PTGER4: variants seen among roughly 807,000 people sequenced by gnomAD.
PTGER4 encodes the protein prostaglandin E2 receptor EP4 subtype.
A neutral mutation model predicts 33.2 loss-of-function variants in PTGER4; 11 were observed. The ratio of observed to expected loss-of-function variants is 0.33; its 90% CI spans 0.21 to 0.55. PTGER4 has a LOEUF of 0.55. Ranked by LOEUF, PTGER4 falls within the 20% of genes least tolerant of loss-of-function variation. PTGER4 has a pLI of 0.92. For missense variants in PTGER4, 481 were observed against 650.2 expected (o/e 0.74, Z 2.83); for synonymous variants, 275 against 281.5 (o/e 0.98, Z 0.23).
intron 2 of PTGER4, among the ~76,000 whole-genome samples, chr5:40,689,305 A>T: frequency 6.6e-6 from 1 of 152,252 alleles, no homozygotes; most frequent in East Asian, 1.9e-4. Context: ...CCTATAGCTA[A>T]TTAAGATCTA....
At chr5:40,697,226 A>AAAAGAAAGAAAGAAAGAAAG (rs70988803), downstream of PTGER4, among the ~76,000 whole-genome samples, 145 of 112,620 alleles carry the variant, frequency 1.3e-3, 1 homozygote, top group East Asian at 4.5e-3. Flanking sequence ...AAGAAAGAAG[A>AAAAGAAAGAAAGAAAGAAAG]AAAGAAAGAA....
At chr5:40,694,519 G>T (rs998020386), downstream of PTGER4, among the ~76,000 whole-genome samples, 1 of 152,174 alleles carries the variant, frequency 6.6e-6, no homozygotes, top group African/African-American at 2.4e-5. Flanking sequence ...TGTCAGCAGG[G>T]TTGGTTTCTC....
the PTGER4 span, among the ~76,000 whole-genome samples, chr5:40,741,825 C>T: frequency 6.6e-6 from 1 of 152,052 alleles, no homozygotes; most frequent in Non-Finnish European, 1.5e-5. Context: ...CCCATCTCTA[C>T]TAAAATTACA....
chr5:40,722,236 G>A, the PTGER4 span, among the ~76,000 whole-genome samples: 1 of 152,122 alleles, frequency 6.6e-6, no homozygotes, highest in Non-Finnish European at 1.5e-5. Flanking sequence ...ATGTTGCCCA[G>A]GCGTGATCTC....
At chr5:40,697,692 TA>T (rs879480592), downstream of PTGER4, among the ~76,000 whole-genome samples, 5 of 58,202 alleles carry the variant, frequency 8.6e-5, no homozygotes, top group East Asian at 0.11. Flanking sequence ...GAAAAATTAG[TA>T]AAAATATACA....
chr5:40,691,535 C>T lies in PTGER4; in HGVS notation c.868-244C>T, dbSNP rs537394833. ...TTCGCCATGTTGGACAAGTTGGTCT[C>T]GGACTCCTGACCTCAAGTGATCCTC... On this transcript the variant is annotated intron_variant, in intron 2 of 2. Coordinates refer to ENST00000302472, the MANE Select transcript of PTGER4 (RefSeq NM_000958.3). The surrounding 1 kb of genome is among the most constrained non-coding windows in gnomAD (Gnocchi z 4.2). 1.1e-4 allele frequency among the ~76,000 whole-genome samples: 17 copies of T among 152,204 alleles called. No individual in the cohort carries two copies. The highest frequency in any genetic ancestry group is 1.8e-4 in the Non-Finnish European group (12 of 68,014).
chr5:40,683,228 G>A lies in PTGER4; in HGVS notation c.867+1368G>A, dbSNP rs1741241848. Among the ~76,000 whole-genome samples the A allele has an allele frequency of 6.6e-6, 1 of 152,178 alleles. No individual in the cohort carries two copies. Among genetic ancestry groups the A allele is most frequent in the African/African-American group, 2.4e-5 (1 of 41,434 alleles). ...TTGATACTGTCCAGGGATCTTTGGTGTAAAAATATATCTTTGATAAAAGTG... is the reference window on the plus strand; with the variant it reads ...TTGATACTGTCCAGGGATCTTTGGTATAAAAATATATCTTTGATAAAAGTG... On this transcript the variant is annotated intron_variant, in intron 2 of 2. Transcript: ENST00000302472. This position sits in a 1 kb window ranked among gnomAD's most constrained non-coding sequence, Gnocchi z 4.2.
the PTGER4 span, among the ~76,000 whole-genome samples, chr5:40,746,207 G>A: frequency 1.3e-5 from 2 of 151,260 alleles, no homozygotes; most frequent in Non-Finnish European, 2.9e-5. Flanking sequence ...AGGAGAAAAG[G>A]AATAAAAAAG....
chr5:40,722,913 C>T, the PTGER4 span, among the ~76,000 whole-genome samples: 1 of 152,098 alleles, frequency 6.6e-6, no homozygotes, highest in East Asian at 1.9e-4. Context: ...CCCCTCTGCC[C>T]AGCCGCCACC....
chr5:40,703,772 A>G, the PTGER4 span, among the ~76,000 whole-genome samples: 103,999 of 150,984 alleles, frequency 0.69, 35,890 homozygotes, highest in East Asian at 0.8. Context: ...GCATGGTGGC[A>G]GATGCCTGTA....
Position 40,693,587 on chromosome 5 carries a change from C to G in PTGER4, c.*1209C>G, listed in dbSNP as rs976764338. ...GTACACATATTTGAAGGGTCTTTCT[C>G]AAAGAAATATTAAGCATGTTTTGTT... On this transcript the variant is annotated 3_prime_UTR_variant, in exon 3 of 3. Coordinates refer to ENST00000302472, the MANE Select transcript of PTGER4 (RefSeq NM_000958.3). The G allele has an allele frequency of 4.4e-5, 43 of 985,740 alleles. No homozygotes were observed. The highest frequency in any genetic ancestry group is 5.1e-5 in the Non-Finnish European group (42 of 829,898). 61.1% of individuals were successfully genotyped at this position (985,740 alleles called of 1,614,324 possible).
At chr5:40,685,116 C>A (rs1741293623) in intron 2 of PTGER4, among the ~76,000 whole-genome samples, 1 of 152,092 alleles carries the variant, frequency 6.6e-6, no homozygotes, top group Non-Finnish European at 1.5e-5. Context: ...ACACAAGCAA[C>A]CCAAGACTGT....
At chr5:40,708,802 A>C in the PTGER4 span, among the ~76,000 whole-genome samples, 1 of 152,238 alleles carries the variant, frequency 6.6e-6, no homozygotes, top group Non-Finnish European at 1.5e-5. Context: ...TGGCAAACTG[A>C]ATCCAGCAGC....
chr5:40,697,057 A>G (rs562404999), downstream of PTGER4, among the ~76,000 whole-genome samples: 27 of 132,556 alleles, frequency 2.0e-4, no homozygotes, highest in South Asian at 7.8e-3. Flanking sequence ...GGAAGGAAAG[A>G]AAGAAAAGAA....
the PTGER4 span, among the ~76,000 whole-genome samples, chr5:40,734,997 G>A: frequency 1.3e-5 from 2 of 152,178 alleles, no homozygotes; most frequent in African/African-American, 4.8e-5. Context: ...GTGACAAAAC[G>A]TGGTCAGACA....
chr5:40,737,935 C>T, the PTGER4 span, among the ~76,000 whole-genome samples: 3 of 152,166 alleles, frequency 2.0e-5, no homozygotes, highest in African/African-American at 7.2e-5. Flanking sequence ...GGATATACCA[C>T]AATTTATTCA....
At chr5:40,697,148 A>ATT (rs1561134252), downstream of PTGER4, among the ~76,000 whole-genome samples, 99 of 130,810 alleles carry the variant, frequency 7.6e-4, no homozygotes, top group African/African-American at 1.1e-3. Flanking sequence ...GAAGGAAAGA[A>ATT]AGAGAAAGAA....
In PTGER4 at chr5:40,681,870, C is replaced by T; in HGVS notation, c.867+10C>T. ...CTCCATCCCGCTCGTGGTGAGTGAC[C>T]GGGGCTGGGGCCCTACTCGGCCTTT... On this transcript the variant is annotated intron_variant, in intron 2 of 2. Transcript: ENST00000302472. This position sits in a 1 kb window ranked among gnomAD's most constrained non-coding sequence, Gnocchi z 9.8. The T allele has an allele frequency of 2.0e-6, 3 of 1,499,750 alleles. No homozygotes were observed. Among genetic ancestry groups the T allele is most frequent in the Non-Finnish European group, 2.7e-6 (3 of 1,129,316 alleles). The allele number at this position is 1,499,750 out of a possible 1,614,324, so 92.9% of individuals were successfully genotyped here.
the PTGER4 span, among the ~76,000 whole-genome samples, chr5:40,713,590 T>C: frequency 1.3e-5 from 2 of 152,162 alleles, no homozygotes; most frequent in Non-Finnish European, 2.9e-5. Context: ...AAATACTCTA[T>C]AACCAAACAG....
Sources: gnomAD v4.1 joint callset for allele counts (sites outside exome capture counted in the v4.1 genomes callset) on GRCh38, gnomAD v4.1.1 for gene constraint, Gnocchi (gnomAD v3.1) non-coding constraint, MANE v1.5 for transcripts, NCBI Gene and HGNC (gene_info 2026-07-23, HGNC 2026-07-21) for gene names.